The following NLRP14 variants were observed in gnomAD, a reference collection of about 807,000 sequenced individuals.
NLRP14 encodes NACHT, LRR and PYD domains-containing protein 14.
In NLRP14, 105 loss-of-function variants were observed where a neutral mutation model predicts 94.7. The ratio of observed to expected loss-of-function variants is 1.11; its 90% CI spans 0.95 to 1.30. The LOEUF (loss-of-function observed/expected upper bound fraction) is 1.30. Among genes scored for constraint, NLRP14 ranks in the 50% most tolerant of loss-of-function variants. NLRP14 has a pLI of 0.00. For missense variants in NLRP14, 1,362 were observed against 1,254.1 expected (o/e 1.09, Z -1.30); for synonymous variants, 508 against 459.9 (o/e 1.10, Z -1.34).
the NLRP14 span, among the ~76,000 whole-genome samples, chr11:7,080,018 G>A: frequency 2.6e-5 from 4 of 152,194 alleles, no homozygotes; most frequent in South Asian, 8.3e-4. Flanking sequence ...CTGGCGGGAA[G>A]GTTGTTTACC....
the NLRP14 span, among the ~76,000 whole-genome samples, chr11:7,088,445 A>G: frequency 5.8e-4 from 88 of 152,322 alleles, no homozygotes; most frequent in Non-Finnish European, 1.2e-3. Context: ...TAGAAGAAAC[A>G]TTTTTTAAAC....
the NLRP14 span, among the ~76,000 whole-genome samples, chr11:7,087,085 A>G: frequency 2.0e-5 from 3 of 152,182 alleles, no homozygotes; most frequent in African/African-American, 7.2e-5. Context: ...TCTTTGTTCT[A>G]AATATCTTCC....
the NLRP14 span, among the ~76,000 whole-genome samples, chr11:7,080,761 A>G: frequency 6.6e-6 from 1 of 152,260 alleles, no homozygotes; most frequent in African/African-American, 2.4e-5. Flanking sequence ...ATAGCGTAAG[A>G]CTTAAAGAAA....
intron 1 of NLRP14, among the ~76,000 whole-genome samples, chr11:7,023,750 T>G (rs1851977733): frequency 6.6e-6 from 1 of 151,968 alleles, no homozygotes; most frequent in Non-Finnish European, 1.5e-5. Context: ...CTGCTTGGCT[T>G]TTGGGGAGGC....
intron 1 of NLRP14, among the ~76,000 whole-genome samples, chr11:7,034,851 G>A (rs1212989853): frequency 6.6e-6 from 1 of 152,130 alleles, no homozygotes; most frequent in Non-Finnish European, 1.5e-5. Context: ...TGTCAAAATG[G>A]TTTACAAGTT....
intron 10 of NLRP14, among the ~76,000 whole-genome samples, chr11:7,067,726 A>C (rs762010567): frequency 6.6e-6 from 1 of 152,182 alleles, no homozygotes; most frequent in Non-Finnish European, 1.5e-5. Context: ...TAGTGACAGC[A>C]TTTAACCATT....
chr11:7,056,156 T>C (rs1427793843), intron 6 of NLRP14, among the ~76,000 whole-genome samples: 5 of 152,014 alleles, frequency 3.3e-5, no homozygotes, highest in Non-Finnish European at 1.5e-5. Context: ...AGAGTGTTAA[T>C]GATTTTTTTT....
At chr11:7,089,180 C>T in the NLRP14 span, 47 of 1,613,898 alleles carry the variant, frequency 2.9e-5, no homozygotes, top group Non-Finnish European at 4.0e-5. Flanking sequence ...TCGAAACCGA[C>T]GAGAAAGCCC....
intron 3 of NLRP14, among the ~76,000 whole-genome samples, chr11:7,041,348 A>G (rs1232530810): frequency 1.3e-5 from 2 of 152,120 alleles, no homozygotes; most frequent in Non-Finnish European, 2.9e-5. Context: ...CCCATCCCCA[A>G]TCCTACTATT....
At chr11:7,052,489 T>C (rs4758153) in intron 6 of NLRP14, among the ~76,000 whole-genome samples, 96,156 of 151,956 alleles carry the variant, frequency 0.63, 30,889 homozygotes, top group East Asian at 0.86. Context: ...AAAAACTAAC[T>C]GGGCATGGTG....
chr11:7,048,892 G>A (rs1852398849), intron 5 of NLRP14, among the ~76,000 whole-genome samples: 1 of 152,094 alleles, frequency 6.6e-6, no homozygotes, highest in South Asian at 2.1e-4. Flanking sequence ...CCTAATAAGT[G>A]AGATGGTGCC....
chr11:7,064,585 A>G (rs191345031), intron 10 of NLRP14, among the ~76,000 whole-genome samples: 80 of 152,216 alleles, frequency 5.3e-4, no homozygotes, highest in African/African-American at 1.8e-3. Flanking sequence ...AACTTCACCT[A>G]TTCTCCAATT....
At position 7,059,566 on chromosome 11, in the gene NLRP14, A is replaced by G. The variant is rs149447515; in HGVS notation, c.2634-328A>G. ...ATTACATACAAAGAGTACTTACTTT[A>G]TTAAGATTACTCTTATTCTACTCCA... On this transcript the variant is annotated intron_variant, in intron 8 of 11. Coordinates refer to ENST00000299481, the MANE Select transcript of NLRP14 (RefSeq NM_176822.4). 7.3e-3 allele frequency among the ~76,000 whole-genome samples: 1,112 copies of G among 152,110 alleles called. 12 individuals are homozygous for G. Among genetic ancestry groups the G allele is most frequent in the African/African-American group, 0.02 (822 of 41,532 alleles).
At chr11:7,053,558 CTT>C (rs1852474034) in intron 6 of NLRP14, among the ~76,000 whole-genome samples, 1 of 151,066 alleles carries the variant, frequency 6.6e-6, no homozygotes, top group South Asian at 2.1e-4. Context: ...TTAATTTAGA[CTT>C]CTCATTAAAG....
At chr11:7,078,221 G>A in the NLRP14 span, among the ~76,000 whole-genome samples, 2 of 149,066 alleles carry the variant, frequency 1.3e-5, no homozygotes, top group African/African-American at 2.5e-5. Flanking sequence ...GGTGGATCAC[G>A]AGGTCAGGAG....
At chr11:7,073,629 ACT>A (rs1852833581), downstream of NLRP14, among the ~76,000 whole-genome samples, 1 of 151,678 alleles carries the variant, frequency 6.6e-6, no homozygotes, top group Admixed American at 6.6e-5. Context: ...GGTTCCCACA[ACT>A]CTCTTTTCCC....
intron 10 of NLRP14, among the ~76,000 whole-genome samples, chr11:7,069,622 G>A (rs1852762194): frequency 1.7e-5 from 2 of 118,660 alleles, no homozygotes; most frequent in African/African-American, 5.5e-5. Context: ...TATATTTCTT[G>A]CTTATTTTAT....
chr11:7,045,596 C>A (rs1852335203), intron 4 of NLRP14, among the ~76,000 whole-genome samples: 1 of 151,982 alleles, frequency 6.6e-6, no homozygotes. Context: ...ATTTATTATC[C>A]TGTTTTTATA....
rs1222592340 is a variant in NLRP14, at chr11:7,043,901, C to T, written c.1875C>T (p.Cys625=). The T allele has an allele frequency of 6.2e-7, 1 of 1,614,018 alleles. No homozygotes were observed. The highest frequency in any genetic ancestry group is 1.7e-5 in the Admixed American group (1 of 59,992). ...LLVSSFCLKH[C]RCLRTIRLSV... is the part of the protein sequence containing the mutation. ...TATCTTCTTTCTGCCTTAAGCACTGCCGGTGTTTGCGGACCATCAGGCTGT... is the reference window on the plus strand; with the variant it reads ...TATCTTCTTTCTGCCTTAAGCACTGTCGGTGTTTGCGGACCATCAGGCTGT... Residue 625 remains cysteine (C), a synonymous_variant, in exon 4 of 12, where the codon TGC becomes TGT. Coordinates refer to ENST00000299481, the MANE Select transcript of NLRP14 (RefSeq NM_176822.4).
Sources: gnomAD v4.1 joint callset for allele counts (sites outside exome capture counted in the v4.1 genomes callset) on GRCh38, gnomAD v4.1.1 for gene constraint, MANE v1.5 for transcripts, NCBI Gene and HGNC (gene_info 2026-07-23, HGNC 2026-07-21) for gene names.